SEC24C: variants seen among roughly 807,000 people sequenced by gnomAD.
SEC24C encodes SEC24 homolog C, COPII component, also known as protein transport protein Sec24C.
Under a neutral mutation model 117.0 loss-of-function variants are expected in SEC24C, and 22 were observed. The observed-to-expected ratio is 0.19, with a 90% confidence interval of 0.13 to 0.27. SEC24C has a LOEUF of 0.27. Among genes scored for constraint, SEC24C ranks in the 10% least tolerant of loss-of-function variants. The probability of loss-of-function intolerance (pLI) is 1.00; values close to 1 mark genes in which losing one functional copy is unlikely to be tolerated. For synonymous variants in SEC24C, 506 were observed against 529.4 expected (o/e 0.96, Z 0.61); for missense variants, 1,155 against 1,375.1 (o/e 0.84, Z 2.53).
chr10:73,769,707 T>C lies in SEC24C; in HGVS notation c.2656T>C (p.Cys886Arg). The change falls in exon 19 of 23, where the codon TGT becomes CGT. Residue 886 changes from cysteine to arginine, a missense_variant. Cys to Arg is a radical substitution (Grantham distance 180, BLOSUM62 -3). Transcript: ENST00000345254. The surrounding 1 kb of genome is among the most constrained non-coding windows in gnomAD (Gnocchi z 4.5). Reference sequence around the variant, plus strand: ...GATCCTGGCCTGTTACAGAAAGAACTGTGCTAGCCCCTCCTCTGCAGGACA... The same window carrying C: ...GATCCTGGCCTGTTACAGAAAGAACCGTGCTAGCCCCTCCTCTGCAGGACA... ...AQILACYRKN[C>R]ASPSSAGQLI... The C allele has an allele frequency of 6.2e-7, 1 of 1,614,206 alleles. No homozygotes were observed. The highest frequency in any genetic ancestry group is 8.5e-7 in the Non-Finnish European group (1 of 1,180,030).
At position 73,769,894 on chromosome 10, in the gene SEC24C, G is replaced by A. The variant is rs760395413; in HGVS notation, c.2741G>A (p.Ser914Asn). 1.9e-6 allele frequency: 3 copies of A among 1,614,094 alleles called. No homozygotes were observed. The Admixed American group carries it at 5.0e-5, about 27-fold the overall frequency. ...LPVYLNCVLK[S>N]DVLQPGAEVT... ...GTTTACCTGAACTGTGTGTTGAAGA[G>A]TGATGTCCTGCAGCCTGGAGCTGAA... Residue 914 changes from serine to asparagine, a missense_variant, in exon 20 of 23, where the codon AGT becomes AAT. By Grantham distance (46) the Ser-to-Asn change is conservative. Transcript: ENST00000345254. The surrounding 1 kb of genome is among the most constrained non-coding windows in gnomAD (Gnocchi z 4.5).
chr10:73,761,991 C>A, intron 6 of SEC24C: 2 of 677,948 alleles, frequency 3.0e-6, no homozygotes, highest in East Asian at 6.6e-5. Flanking sequence ...TGGGCTCCAG[C>A]TGTTCATGTC....
intron 3 of SEC24C, among the ~76,000 whole-genome samples, chr10:73,758,370 T>C (rs1178653172): frequency 6.6e-6 from 1 of 152,230 alleles, no homozygotes; most frequent in East Asian, 1.9e-4. Flanking sequence ...TTTTTTGAGA[T>C]ATAATTCATA....
Position 73,760,118 on chromosome 10 carries a change from A to G in SEC24C, c.582A>G (p.Gln194=), listed in dbSNP as rs1031145568. ...QGQAPPLSQA[Q]GHPGIQTPQR... is the part of the protein sequence containing the mutation. ...AGGCTCCTCCCCTTAGCCAGGCCCA[A>G]GGTCATCCTGGGATCCAGACTCCCC... is the stretch of plus-strand genomic sequence containing the variant. Residue 194 remains glutamine, a synonymous_variant, in exon 5 of 23, where the codon CAA becomes CAG. Coordinates refer to ENST00000345254, the MANE Select transcript of SEC24C (RefSeq NM_198597.3). 9.9e-6 allele frequency: 16 copies of G among 1,613,052 alleles called. No homozygotes were observed. The highest frequency in any genetic ancestry group is 3.3e-5 in the Admixed American group (2 of 59,948).
In SEC24C at chr10:73,760,252, C is replaced by T. The variant is rs1201330289; in HGVS notation, c.716C>T (p.Pro239Leu). 2 of 1,614,106 alleles carry T rather than the reference C, an allele frequency of 1.2e-6. No homozygotes were observed. The highest frequency in any genetic ancestry group is 8.5e-7 in the Non-Finnish European group (1 of 1,180,018). ...PLLPGQSFGG[P>L]SVSQPNHVSS... ...CTGCCTGGACAGAGTTTTGGAGGGCCCTCAGTGAGCCAGCCCAACCATGTG... is the reference window on the plus strand; with the variant it reads ...CTGCCTGGACAGAGTTTTGGAGGGCTCTCAGTGAGCCAGCCCAACCATGTG... Residue 239 changes from proline to leucine, a missense_variant, in exon 5 of 23, where the codon CCC becomes CTC. This residue lies in a region of SEC24C where 396 missense variants were observed against 382.8 expected (regional missense o/e 1.03). Transcript: ENST00000345254.
In SEC24C at chr10:73,770,305, C is replaced by T; in HGVS notation, c.2888C>T (p.Thr963Ile). The T allele has an allele frequency of 6.2e-7, 1 of 1,612,438 alleles. No homozygotes were observed. Among genetic ancestry groups the T allele is most frequent in the Non-Finnish European group, 8.5e-7 (1 of 1,179,146 alleles). The change falls in exon 21 of 23, where the codon ACC becomes ATC. Residue 963 changes from threonine to isoleucine, a missense_variant. Physicochemically the swap from Thr to Ile is moderately conservative, Grantham distance 89. Around this residue, in one of 2 missense-constraint regions of SEC24C, gnomAD observed 759 missense variants for 992.3 expected, o/e 0.76. Coordinates refer to ENST00000345254, the MANE Select transcript of SEC24C (RefSeq NM_198597.3). ...ACAAAGTCTCCCGTTGAGAGTACTA[C>T]CGAACCACCAGCAGTTCGAGCCTCT... is the stretch of plus-strand genomic sequence containing the variant. ...PLTKSPVEST[T>I]EPPAVRASEE...
Position 73,771,417 on chromosome 10 carries a change from T to C in SEC24C, c.*322T>C, listed in dbSNP as rs2082980792. 2 of 285,880 alleles carry C rather than the reference T, an allele frequency of 7.0e-6. No individual in the cohort carries two copies. The highest frequency in any genetic ancestry group is 1.3e-5 in the Non-Finnish European group (2 of 149,110). The allele number at this position is 285,880 out of a possible 1,614,324, so 17.7% of individuals were successfully genotyped here. Reference sequence around the variant, plus strand: ...ACCCAGACCCTGGCAATATTATGTGTCCCTTTGGACCAGTCTCCCAAGAGG... The same window carrying C: ...ACCCAGACCCTGGCAATATTATGTGCCCCTTTGGACCAGTCTCCCAAGAGG... On this transcript the variant is annotated 3_prime_UTR_variant, in exon 23 of 23. Coordinates refer to ENST00000345254, the MANE Select transcript of SEC24C (RefSeq NM_198597.3).
chr10:73,762,405 T>G (rs1164652622), intron 6 of SEC24C, among the ~76,000 whole-genome samples: 1 of 152,140 alleles, frequency 6.6e-6, no homozygotes, highest in East Asian at 1.9e-4. Context: ...AAGGTCAGGC[T>G]CTAAGGGTGG....
chr10:73,757,431 A>G (rs188246859), intron 3 of SEC24C, among the ~76,000 whole-genome samples: 26 of 150,314 alleles, frequency 1.7e-4, no homozygotes, highest in African/African-American at 5.4e-4. Context: ...GGATTGCTAG[A>G]GCCCTGGAGG....
Position 73,765,835 on chromosome 10 carries a change from G to A in SEC24C, c.1402G>A (p.Gly468Ser), listed in dbSNP as rs768112378. 5.6e-6 allele frequency: 9 copies of A among 1,614,000 alleles called. No individual in the cohort carries two copies. The highest frequency in any genetic ancestry group is 6.8e-6 in the Non-Finnish European group (8 of 1,180,032). ...PQYFQHLDHT[G>S]KRVDAYDRPE... ...GTATTTTCAGCACCTGGATCATACC[G>A]GCAAACGTGTGGATGCTTATGACCG... is the stretch of plus-strand genomic sequence containing the variant. Residue 468 changes from glycine to serine, a missense_variant, in exon 10 of 23, where the codon GGC (glycine) becomes AGC (serine). Transcript: ENST00000345254.
At chr10:73,762,629 T>C (rs528412071) in intron 6 of SEC24C, among the ~76,000 whole-genome samples, 1 of 152,356 alleles carries the variant, frequency 6.6e-6, no homozygotes, top group African/African-American at 2.4e-5. Flanking sequence ...GGACTGCTGG[T>C]TTGGGAAAGT....
Position 73,760,706 on chromosome 10 carries a change from G to C in SEC24C, c.851-7G>C. The C allele has an allele frequency of 6.3e-7, 1 of 1,583,198 alleles. No homozygotes were observed. The highest frequency in any genetic ancestry group is 8.6e-7 in the Non-Finnish European group (1 of 1,166,986). On this transcript the variant is annotated splice_polypyrimidine_tract_variant and splice_region_variant and intron_variant, in intron 5 of 22. Coordinates refer to ENST00000345254, the MANE Select transcript of SEC24C (RefSeq NM_198597.3). The stretch of plus-strand genomic sequence containing the variant: ...TTGAGTTCATCAACCTTGTGTCCTT[G>C]TCTCAGGTTCCTTCGGACCAGCCCG...
chr10:73,765,582 CAAT>C lies in SEC24C; in HGVS notation c.1360_1362del (p.Asn454del). 6.2e-7 allele frequency: 1 copy of C among 1,613,618 alleles called. No homozygotes were observed. The highest frequency in any genetic ancestry group is 8.5e-7 in the Non-Finnish European group (1 of 1,179,550). On this transcript the variant is annotated inframe_deletion, in exon 9 of 23. Transcript: ENST00000345254. ...TCCAGTGCTGTTTTTGCAGCTGTAT[CAAT>C]GATGGTATGTTCATGGAAGCTGGGA...
intron 5 of SEC24C, 133 bp downstream of exon 5, chr10:73,760,519 T>C: frequency 1.6e-6 from 2 of 1,226,290 alleles, no homozygotes; most frequent in East Asian, 2.4e-5. Flanking sequence ...CAGGGTATTA[T>C]TCCTAGGATA....
intron 3 of SEC24C, among the ~76,000 whole-genome samples, chr10:73,757,183 G>A (rs559856401): frequency 1.8e-4 from 26 of 145,710 alleles, no homozygotes; most frequent in African/African-American, 5.5e-4. Context: ...CAAAGTACTG[G>A]GATTACAGGC....
intron 3 of SEC24C, among the ~76,000 whole-genome samples, chr10:73,757,727 A>G (rs993439139): frequency 1.1e-5 from 1 of 93,694 alleles, no homozygotes; most frequent in Non-Finnish European, 2.6e-5. Flanking sequence ...CCTGGGCAGC[A>G]TAGCAAGACC....
chr10:73,770,884 G>A, intron 22 of SEC24C, 71 bp from the exon 23 acceptor site: 2 of 1,612,914 alleles, frequency 1.2e-6, no homozygotes, highest in Admixed American at 3.3e-5. Context: ...GTAAGTGACT[G>A]CCTAATGAGA....
chr10:73,744,992 A>T (rs975782380), intron 1 of SEC24C, among the ~76,000 whole-genome samples: 5 of 22,662 alleles, frequency 2.2e-4, no homozygotes, highest in Non-Finnish European at 1.0e-3. Context: ...AGTGTCAGTG[A>T]CCTACCTCTG....
chr10:73,751,532 G>A (rs545826117), intron 3 of SEC24C, among the ~76,000 whole-genome samples: 79 of 152,302 alleles, frequency 5.2e-4, no homozygotes, highest in African/African-American at 1.6e-3. Flanking sequence ...CTGGGCGATA[G>A]AGTGAGACTC....
Sources: gnomAD v4.1 joint callset for allele counts (sites outside exome capture counted in the v4.1 genomes callset) on GRCh38, gnomAD v4.1.1 for gene constraint, gnomAD v4.1.1 regional missense constraint, Gnocchi (gnomAD v3.1) non-coding constraint, MANE v1.5 for transcripts, NCBI Gene and HGNC (gene_info 2026-07-23, HGNC 2026-07-21) for gene names.